Variants in LRP2 observed in about 807,000 individuals in gnomAD.
LRP2 encodes low-density lipoprotein receptor-related protein 2.
A neutral mutation model predicts 531.0 loss-of-function variants in LRP2; 172 were observed. The ratio of observed to expected loss-of-function variants is 0.32; its 90% CI spans 0.29 to 0.37. LRP2 has a LOEUF of 0.37. Ranked by LOEUF, LRP2 falls within the 10% of genes least tolerant of loss-of-function variation. The probability of loss-of-function intolerance (pLI) is 1.00; values close to 1 mark genes in which losing one functional copy is unlikely to be tolerated. For synonymous variants in LRP2, 1,992 were observed against 2,027.6 expected (o/e 0.98, Z 0.47); for missense variants, 5,167 against 5,868.3 (o/e 0.88, Z 3.90).
At position 169,151,909 on chromosome 2, in the gene LRP2, G is replaced by C. The variant is rs201626999; in HGVS notation, c.12462-883C>G. Among the ~76,000 whole-genome samples, 4 of 152,274 alleles carry C rather than the reference G, an allele frequency of 2.6e-5. No homozygotes were observed. In the East Asian group the frequency reaches 7.7e-4, roughly 29 times the overall value. ...GGACCCAATTAGCTTCTTCAAAGAT[G>C]CTCTTCCAGGAACACCAGCCACATT... On this transcript the variant is annotated intron_variant, in intron 67 of 78. Transcript: ENST00000649046.
intron 70 of LRP2, among the ~76,000 whole-genome samples, chr2:169,144,007 C>T (rs1240572130): frequency 6.6e-6 from 1 of 152,144 alleles, no homozygotes; most frequent in Non-Finnish European, 1.5e-5. Flanking sequence ...CTTGAATGTG[C>T]TATCCATCAC....
rs534550076 is a variant in LRP2, at chr2:169,143,885, A to G, written c.12989-1092T>C. The stretch of plus-strand genomic sequence containing the variant: ...TGATCCTGATTGTCTGTCATTCAAG[A>G]TGTAACCACAGACAAAGCATAGCTA... On this transcript the variant is annotated intron_variant, in intron 70 of 78. Coordinates refer to ENST00000649046, the MANE Select transcript of LRP2 (RefSeq NM_004525.3). Among the ~76,000 whole-genome samples the G allele has an allele frequency of 1.3e-4, 20 of 152,334 alleles. No homozygotes were observed. The South Asian group carries it at 1.7e-3, about 13-fold the overall frequency.
rs753266438 is a variant in LRP2 at position 169,202,985 on chromosome 2, G to T, written c.8006-26C>A. The T allele has an allele frequency of 1.9e-6, 3 of 1,601,538 alleles. No individual in the cohort carries two copies. The South Asian group carries it at 3.3e-5, about 18-fold the overall frequency. On this transcript the variant is annotated intron_variant, in intron 42 of 78. Coordinates refer to ENST00000649046, the MANE Select transcript of LRP2 (RefSeq NM_004525.3). ...CTGAAGAAAGATAATCCCAGAAGAA[G>T]TAAAAGATGGATGCAGCCACCGTTC...
intron 17 of LRP2, 149 bp from the exon 18 acceptor site, chr2:169,257,398 C>A: frequency 1.3e-6 from 1 of 790,554 alleles, no homozygotes; most frequent in Non-Finnish European, 2.1e-6. Context: ...TAGTGTATAA[C>A]TCATGTAATT....
Position 169,177,791 on chromosome 2 carries a change from T to C in LRP2, c.10393+12A>G. On this transcript the variant is annotated intron_variant, in intron 53 of 78. Coordinates refer to ENST00000649046, the MANE Select transcript of LRP2 (RefSeq NM_004525.3). ...AAGGCAACCTTGCCAAACCCCTCAA[T>C]CACCTACTCACCAATGGGCTGCCTA... 1 of 1,612,726 alleles carries C rather than the reference T, an allele frequency of 6.2e-7. No individual in the cohort carries two copies. The highest frequency in any genetic ancestry group is 1.1e-5 in the South Asian group (1 of 91,050).
Position 169,166,000 on chromosome 2 carries a change from A to G in LRP2, c.11690T>C (p.Ile3897Thr), listed in dbSNP as rs1454340676. ...NRFRCDNNRC[I>T]YSHEVCNGVD... is the part of the protein sequence containing the mutation. ...ACCATTGCACACCTCATGACTATAA[A>G]TGCAGCGATTGTTGTCACACCGGAA... is the stretch of plus-strand genomic sequence containing the variant. The change falls in exon 62 of 79, where the codon ATT becomes ACT. Residue 3897 changes from isoleucine to threonine, a missense_variant. Physicochemically the swap from Ile to Thr is moderately conservative, Grantham distance 89 (BLOSUM62 -1). Transcript: ENST00000649046. The G allele has an allele frequency of 1.2e-6, 2 of 1,613,946 alleles. No homozygotes were observed. The highest frequency in any genetic ancestry group is 2.7e-5 in the African/African-American group (2 of 74,924).
At chr2:169,354,000 C>T (rs771608821) in intron 1 of LRP2, among the ~76,000 whole-genome samples, 9 of 152,122 alleles carry the variant, frequency 5.9e-5, no homozygotes, top group Non-Finnish European at 1.3e-4. Context: ...AAAGTAAGAC[C>T]TTGTCTCAAA....
At chr2:169,226,789 C>T (rs188455233) in intron 31 of LRP2, among the ~76,000 whole-genome samples, 2 of 152,260 alleles carry the variant, frequency 1.3e-5, no homozygotes, top group South Asian at 2.1e-4. Context: ...AGACCTCCAA[C>T]CCCACATACA....
intron 31 of LRP2, 84 bp downstream of exon 31, chr2:169,231,630 C>G (rs527680066): frequency 6.5e-7 from 1 of 1,542,868 alleles, no homozygotes; most frequent in Non-Finnish European, 8.9e-7. Flanking sequence ...CATGTTCAGT[C>G]GCAATTGGTT....
At chr2:169,282,802 T>A in intron 10 of LRP2, 71 bp downstream of exon 10, 2 of 1,495,046 alleles carry the variant, frequency 1.3e-6, no homozygotes, top group Admixed American at 3.3e-5. Context: ...TCTGTTGTCA[T>A]CAGAAGGAAG....
chr2:169,308,492 G>C (rs568998030), intron 3 of LRP2, among the ~76,000 whole-genome samples: 2 of 152,094 alleles, frequency 1.3e-5, no homozygotes, highest in African/African-American at 4.8e-5. Flanking sequence ...CTGTCCTTGC[G>C]ATAGTTTGCT....
intron 24 of LRP2, among the ~76,000 whole-genome samples, chr2:169,242,208 A>G (rs1301318915): frequency 6.6e-6 from 1 of 152,178 alleles, no homozygotes; most frequent in Non-Finnish European, 1.5e-5. Flanking sequence ...CTAAAACACC[A>G]TTGTTCAAAC....
chr2:169,267,054 A>G (rs575784338), intron 16 of LRP2, among the ~76,000 whole-genome samples: 1 of 151,242 alleles, frequency 6.6e-6, no homozygotes, highest in South Asian at 2.1e-4. Context: ...CATCTGGCTA[A>G]TTTTTTTCTT....
At chr2:169,345,775 G>T (rs1350502550) in intron 1 of LRP2, among the ~76,000 whole-genome samples, 1 of 147,042 alleles carries the variant, frequency 6.8e-6, no homozygotes, top group Non-Finnish European at 1.5e-5. Flanking sequence ...AAAAAAACGA[G>T]CACTGTTAGA....
intron 4 of LRP2, among the ~76,000 whole-genome samples, chr2:169,298,696 C>T (rs1195000130): frequency 2.0e-5 from 3 of 152,026 alleles, no homozygotes; most frequent in Non-Finnish European, 2.9e-5. Context: ...TCTAGTTTCC[C>T]ACAACTTATG....
intron 48 of LRP2, among the ~76,000 whole-genome samples, chr2:169,189,819 A>C (rs1054035375): frequency 6.6e-6 from 1 of 151,724 alleles, no homozygotes; most frequent in South Asian, 2.1e-4. Flanking sequence ...TTTCTCTTCT[A>C]CTATAGCCCT....
At chr2:169,259,344 TTA>T (rs1491122885) in intron 16 of LRP2, 127 bp from the exon 17 acceptor site, 103 of 444,098 alleles carry the variant, frequency 2.3e-4, no homozygotes, top group Non-Finnish European at 2.7e-4. Context: ...GTGGAATTCT[TTA>T]AAAAAAAAAA....
rs1486585687 is a variant in LRP2, at chr2:169,362,321, C to G, written c.79G>C (p.Glu27Gln). The G allele has an allele frequency of 6.4e-7, 1 of 1,559,802 alleles. No individual in the cohort carries two copies. Among genetic ancestry groups the G allele is most frequent in the Admixed American group, 1.9e-5 (1 of 52,908 alleles). The change falls in exon 1 of 79, where the codon GAA (glutamate) becomes CAA (glutamine). Residue 27 changes from glutamate (E) to glutamine (Q), a missense_variant and splice_region_variant. Around this residue, in one of 6 missense-constraint regions of LRP2, gnomAD observed 2,811 missense variants for 3,058.0 expected, o/e 0.92. Coordinates refer to ENST00000649046, the MANE Select transcript of LRP2 (RefSeq NM_004525.3). ...CGAGAGGCTCTGGCTGGGCTCTTAC[C>G]TTGGCCACTGGCCGGCGCTAGGCAG... Reference protein sequence around the residue: ...VACLAPASGQECDSAHFRCGS... With the variant: ...VACLAPASGQQCDSAHFRCGS...
At chr2:169,201,579 T>C in intron 44 of LRP2, 49 bp downstream of exon 44, 1 of 1,613,142 alleles carries the variant, frequency 6.2e-7, no homozygotes, top group East Asian at 2.2e-5. Context: ...TCTCCTGTGA[T>C]CCAAGACTTC....
Sources: gnomAD v4.1 joint callset for allele counts (sites outside exome capture counted in the v4.1 genomes callset) on GRCh38, gnomAD v4.1.1 for gene constraint, gnomAD v4.1.1 regional missense constraint, MANE v1.5 for transcripts, NCBI Gene and HGNC (gene_info 2026-07-23, HGNC 2026-07-21) for gene names.